Variants in CCDC192 observed in about 807,000 individuals in gnomAD.
CCDC192 encodes the protein coiled-coil domain-containing protein 192.
At chr5:127,867,456 G>A (rs1160257681) in intron 5 of CCDC192, among the ~76,000 whole-genome samples, 1 of 152,178 alleles carries the variant, frequency 6.6e-6, no homozygotes, top group Non-Finnish European at 1.5e-5. Flanking sequence ...TGGTTTCTGT[G>A]CTCTTCTACC....
Position 127,738,336 on chromosome 5 carries a change from C to T in CCDC192, c.115-15932C>T, listed in dbSNP as rs559704535. On this transcript the variant is annotated intron_variant, in intron 2 of 6. Transcript: ENST00000514853. ...GATGGGCTTCCCTTTGAGGGTAACC[C>T]GACCTTTCTCTCTGGCTGCCCTTAA... Among the ~76,000 whole-genome samples the T allele has an allele frequency of 3.3e-3, 412 of 123,008 alleles. 1 individual carries two copies. The highest frequency in any genetic ancestry group is 7.6e-3 in the Middle Eastern group (2 of 264). The allele number at this position is 123,008 out of a possible 152,430, so 80.7% of individuals were successfully genotyped here. A position where few individuals can be genotyped will look rare whatever the true frequency, so the allele number is the denominator to read the frequency against.
chr5:127,935,210 C>G (rs1239401468), intron 6 of CCDC192: 2 of 152,158 alleles, frequency 1.3e-5, no homozygotes, highest in African/African-American at 4.8e-5. Context: ...AGCTGTGGAG[C>G]CAACATTTTA....
At chr5:127,888,170 C>T (rs1752625631) in intron 6 of CCDC192, among the ~76,000 whole-genome samples, 1 of 151,922 alleles carries the variant, frequency 6.6e-6, no homozygotes, top group Non-Finnish European at 1.5e-5. Flanking sequence ...AATCCCAGCA[C>T]GTTGGGAGGC....
At chr5:127,749,721 T>C (rs988793469) in intron 2 of CCDC192, among the ~76,000 whole-genome samples, 85 of 152,292 alleles carry the variant, frequency 5.6e-4, no homozygotes, top group Admixed American at 1.2e-3. Context: ...TGGTAGAATT[T>C]GGCTGTGAAT....
At chr5:127,784,305 A>G (rs1203373505) in intron 3 of CCDC192, among the ~76,000 whole-genome samples, 3 of 152,216 alleles carry the variant, frequency 2.0e-5, no homozygotes, top group African/African-American at 7.2e-5. Flanking sequence ...CCAATACAAC[A>G]GCTGCTAATT....
intron 6 of CCDC192, among the ~76,000 whole-genome samples, chr5:127,886,496 C>T (rs942212114): frequency 3.3e-5 from 5 of 152,152 alleles, no homozygotes; most frequent in Admixed American, 1.3e-4. Context: ...TCCTCTTCCT[C>T]GTCCTCCTCA....
In CCDC192 at chr5:127,848,078, A is replaced by AT. The variant is rs199865594; in HGVS notation, c.412-27450dup. ...CTCCCAAAGTGCTGGGATTACAGTGATTTTTTTTTTAATCTCTATGTTTGG... is the reference window on the plus strand; with the variant it reads ...CTCCCAAAGTGCTGGGATTACAGTGATTTTTTTTTTTAATCTCTATGTTTGG... On this transcript the variant is annotated intron_variant, in intron 5 of 6. Transcript: ENST00000514853. 8.4e-4 allele frequency among the ~76,000 whole-genome samples: 126 copies of AT among 149,246 alleles called. No individual in the cohort carries two copies. The Middle Eastern group carries it at 0.01, about 12-fold the overall frequency.
At chr5:127,765,936 A>G (rs185387828) in intron 3 of CCDC192, among the ~76,000 whole-genome samples, 18 of 152,314 alleles carry the variant, frequency 1.2e-4, no homozygotes, top group Admixed American at 1.0e-3. Flanking sequence ...TTGTGCGTCT[A>G]AGCTCCCTGA....
chr5:127,788,983 G>A (rs1756718768), intron 3 of CCDC192, among the ~76,000 whole-genome samples: 1 of 152,150 alleles, frequency 6.6e-6, no homozygotes, highest in Non-Finnish European at 1.5e-5. Flanking sequence ...TCTTCATCAT[G>A]TGAGGATACA....
At chr5:127,844,257 A>G (rs1050485598) in intron 5 of CCDC192, among the ~76,000 whole-genome samples, 16 of 152,232 alleles carry the variant, frequency 1.1e-4, no homozygotes, top group Non-Finnish European at 1.9e-4. Context: ...GAAAATTTAT[A>G]CCTGAAGCTG....
At chr5:127,757,261 A>G (rs759150381) in intron 3 of CCDC192, among the ~76,000 whole-genome samples, 24 of 152,220 alleles carry the variant, frequency 1.6e-4, no homozygotes, top group Non-Finnish European at 2.6e-4. Flanking sequence ...GTACTAAAGG[A>G]TAGTTCTTGA....
intron 2 of CCDC192, among the ~76,000 whole-genome samples, chr5:127,745,696 A>T (rs1753700044): frequency 6.6e-6 from 1 of 152,214 alleles, no homozygotes; most frequent in Admixed American, 6.5e-5. Context: ...ATTCCCAAAC[A>T]CCTATATATT....
chr5:127,702,660 G>C (rs1750754690), upstream of CCDC192, among the ~76,000 whole-genome samples: 2 of 152,170 alleles, frequency 1.3e-5, no homozygotes, highest in Non-Finnish European at 2.9e-5. Context: ...GACTAGATTG[G>C]GTGAGTCCAG....
chr5:127,788,704 G>A (rs1756701340), intron 3 of CCDC192, among the ~76,000 whole-genome samples: 1 of 152,062 alleles, frequency 6.6e-6, no homozygotes, highest in Non-Finnish European at 1.5e-5. Context: ...ATGTTAGTAT[G>A]CTTAATAGTG....
intron 6 of CCDC192, among the ~76,000 whole-genome samples, chr5:127,929,389 G>A (rs897786019): frequency 2.0e-5 from 3 of 152,084 alleles, no homozygotes; most frequent in African/African-American, 7.2e-5. Context: ...TCATCCCAAG[G>A]CTGATCAAAA....
chr5:127,805,968 G>A (rs973751121), intron 5 of CCDC192, among the ~76,000 whole-genome samples: 9 of 152,294 alleles, frequency 5.9e-5, no homozygotes, highest in Admixed American at 1.3e-4. Context: ...GCTCAGAAGA[G>A]GAGGGGTTCT....
At chr5:127,825,723 G>A (rs1479453817) in intron 5 of CCDC192, among the ~76,000 whole-genome samples, 1 of 152,182 alleles carries the variant, frequency 6.6e-6, no homozygotes, top group Admixed American at 6.5e-5. Flanking sequence ...GAGGGCCAAA[G>A]ATTTTTACTA....
intron 3 of CCDC192, among the ~76,000 whole-genome samples, chr5:127,782,324 G>A (rs1443447768): frequency 6.6e-6 from 1 of 152,202 alleles, no homozygotes; most frequent in African/African-American, 2.4e-5. Context: ...GGTGATGTTG[G>A]CATCATAGGA....
intron 5 of CCDC192, chr5:127,838,477 A>G (rs181215865): frequency 3.9e-5 from 6 of 152,328 alleles, no homozygotes; most frequent in Admixed American, 3.9e-4. Flanking sequence ...TCAGGAAATA[A>G]AAGCCACAAT....
Sources: allele counts gnomAD v4.1 joint callset (sites outside exome capture counted in the v4.1 genomes callset), GRCh38; gene constraint gnomAD v4.1.1; transcripts MANE v1.5; gene names NCBI Gene and HGNC (gene_info 2026-07-23, HGNC 2026-07-21).